Variants in DIAPH3 observed in about 807,000 individuals in gnomAD.
DIAPH3 encodes the protein diaphanous related formin 3.
In DIAPH3, 117 loss-of-function variants were observed where a neutral mutation model predicts 144.3. The observed-to-expected ratio is 0.81, with a 90% CI of 0.70 to 0.95. The LOEUF (loss-of-function observed/expected upper bound fraction) is 0.95. Ranked by LOEUF, DIAPH3 falls within the 40% of genes least tolerant of loss-of-function variation. DIAPH3 has a pLI of 0.00. For missense variants in DIAPH3, 1,421 were observed against 1,412.7 expected, an observed-to-expected ratio of 1.01 and a Z score of -0.09; for synonymous variants, 519 against 488.9, an observed-to-expected ratio of 1.06 and a Z score of -0.81.
At chr13:59,932,431 C>A (rs555022409) in intron 17 of DIAPH3, among the ~76,000 whole-genome samples, 1 of 151,956 alleles carries the variant, frequency 6.6e-6, no homozygotes, top group Admixed American at 6.6e-5. Flanking sequence ...GGAAAAATAA[C>A]GCTTAGGGTA....
At chr13:60,152,900 A>G (rs1951861571) in intron 1 of DIAPH3, among the ~76,000 whole-genome samples, 2 of 152,138 alleles carry the variant, frequency 1.3e-5, no homozygotes, top group South Asian at 4.1e-4. Flanking sequence ...GTTCAGGTAC[A>G]CATCTAATTT....
At chr13:60,063,203 T>C (rs560700616) in intron 4 of DIAPH3, among the ~76,000 whole-genome samples, 1 of 152,328 alleles carries the variant, frequency 6.6e-6, no homozygotes, top group South Asian at 2.1e-4. Flanking sequence ...GTAGTTTCCG[T>C]TTCAATAAAC....
chr13:59,991,374 C>G lies in DIAPH3; in HGVS notation c.1245-100G>C, dbSNP rs546979388. 2.4e-5 allele frequency: 20 copies of G among 825,362 alleles called. No individual in the cohort carries two copies. The South Asian group carries it at 2.8e-4, about 11-fold the overall frequency. 51.1% of individuals were successfully genotyped at this position (825,362 alleles called of 1,614,324 possible). A position where few individuals can be genotyped will look rare whatever the true frequency, so the allele number is the denominator to read the frequency against. On this transcript the variant is annotated intron_variant, in intron 11 of 27. Coordinates refer to ENST00000400324, the MANE Select transcript of DIAPH3 (RefSeq NM_001042517.2). ...CCTGTAAGGTTTTGGAACTGTAATA[C>G]AGGCATCTTATATATTCAACATAAA...
intron 4 of DIAPH3, among the ~76,000 whole-genome samples, chr13:60,043,366 A>C (rs1000071992): frequency 6.6e-6 from 1 of 152,192 alleles, no homozygotes; most frequent in Non-Finnish European, 1.5e-5. Flanking sequence ...AGACTCAAAG[A>C]AAGAACATCT....
chr13:59,728,647 CTT>C (rs1000395879), intron 27 of DIAPH3, among the ~76,000 whole-genome samples: 2 of 151,806 alleles, frequency 1.3e-5, no homozygotes, highest in Non-Finnish European at 2.9e-5. Context: ...AACAAGTTGA[CTT>C]ATATATAAAC....
At chr13:59,745,738 A>C (rs1228408249) in intron 27 of DIAPH3, among the ~76,000 whole-genome samples, 2 of 152,206 alleles carry the variant, frequency 1.3e-5, no homozygotes, top group African/African-American at 4.8e-5. Flanking sequence ...GCTCCAGTGA[A>C]CTGTCACTAG....
At chr13:60,003,768 G>C (rs1455787765) in intron 9 of DIAPH3, among the ~76,000 whole-genome samples, 1 of 151,700 alleles carries the variant, frequency 6.6e-6, no homozygotes, top group Non-Finnish European at 1.5e-5. Flanking sequence ...TTTTAGTAGA[G>C]ACGGGGTTTC....
intron 16 of DIAPH3, 55 bp downstream of exon 16, chr13:59,970,797 C>T (rs1004960214): frequency 4.0e-6 from 6 of 1,486,524 alleles, no homozygotes; most frequent in Non-Finnish European, 5.5e-6. Flanking sequence ...ATATATAAAT[C>T]CAAAATTAGA....
intron 3 of DIAPH3, among the ~76,000 whole-genome samples, chr13:60,102,625 C>T (rs2058303165): frequency 6.6e-6 from 1 of 152,132 alleles, no homozygotes; most frequent in Admixed American, 6.5e-5. Context: ...ATAACAGTTA[C>T]GGGAATAAGT....
chr13:59,714,314 C>T (rs1036672487), intron 27 of DIAPH3, among the ~76,000 whole-genome samples: 18 of 141,726 alleles, frequency 1.3e-4, no homozygotes, highest in African/African-American at 2.4e-4. Context: ...GAGCCGAGAT[C>T]CCGCCACTGC....
At chr13:60,089,439 T>C (rs1328760913) in intron 4 of DIAPH3, among the ~76,000 whole-genome samples, 2 of 152,140 alleles carry the variant, frequency 1.3e-5, no homozygotes, top group African/African-American at 4.8e-5. Flanking sequence ...ACATCTATAT[T>C]TATATAATAG....
chr13:59,941,683 C>T (rs1415192124), intron 17 of DIAPH3, among the ~76,000 whole-genome samples: 3 of 151,936 alleles, frequency 2.0e-5, no homozygotes, highest in African/African-American at 4.8e-5. Context: ...AAAGAGTCAG[C>T]GGACATATTT....
At chr13:59,726,906 A>C (rs1476207074) in intron 27 of DIAPH3, among the ~76,000 whole-genome samples, 1 of 152,190 alleles carries the variant, frequency 6.6e-6, no homozygotes, top group Non-Finnish European at 1.5e-5. Flanking sequence ...ATGGAGTAGA[A>C]ATTAGATGTT....
intron 24 of DIAPH3, among the ~76,000 whole-genome samples, chr13:59,812,411 A>G (rs2040534021): frequency 6.6e-6 from 1 of 152,190 alleles, no homozygotes; most frequent in Admixed American, 6.5e-5. Flanking sequence ...GAGAGAGGAA[A>G]GGAAGGCGGA....
At chr13:59,989,153 A>T (rs1343446706) in intron 12 of DIAPH3, among the ~76,000 whole-genome samples, 1 of 151,850 alleles carries the variant, frequency 6.6e-6, no homozygotes, top group Non-Finnish European at 1.5e-5. Flanking sequence ...GTTATCTAAG[A>T]TTGCTGAAAA....
At position 59,971,047 on chromosome 13, in the gene DIAPH3, C is replaced by T. The variant is rs372678608; in HGVS notation, c.1764G>A (p.Pro588=). ...PPPLPSGGGV[P]PPPPPPPPPP... is the part of the protein sequence containing the mutation. Reference sequence around the variant, plus strand: ...GAGGTGGTGGGGGAGGAGGTGGAGGCGGCACCCCTCCACCAGAAGGCAGTG... The same window carrying T: ...GAGGTGGTGGGGGAGGAGGTGGAGGTGGCACCCCTCCACCAGAAGGCAGTG... The change falls in exon 16 of 28, where the codon CCG becomes CCA. Residue 588 remains proline (P), a synonymous_variant. Transcript: ENST00000400324. 15 of 1,613,270 alleles carry T rather than the reference C, an allele frequency of 9.3e-6. No individual in the cohort carries two copies. In the East Asian group the frequency reaches 1.3e-4, roughly 14 times the overall value.
chr13:59,894,501 C>T (rs569927293), intron 20 of DIAPH3, among the ~76,000 whole-genome samples: 1 of 151,148 alleles, frequency 6.6e-6, no homozygotes, highest in South Asian at 2.1e-4. Context: ...GTAGCTAAGA[C>T]CACAGCAGAC....
intron 1 of DIAPH3, among the ~76,000 whole-genome samples, chr13:60,149,218 G>T (rs1951670315): frequency 6.6e-6 from 1 of 152,188 alleles, no homozygotes; most frequent in Non-Finnish European, 1.5e-5. Context: ...CAGCAGTAAA[G>T]AGATTAACCT....
At chr13:59,677,728 T>C (rs993105764) in intron 27 of DIAPH3, among the ~76,000 whole-genome samples, 3 of 152,186 alleles carry the variant, frequency 2.0e-5, no homozygotes, top group African/African-American at 4.8e-5. Flanking sequence ...TATGTATATA[T>C]TATAAACAAG....
Sources: allele counts gnomAD v4.1 joint callset (sites outside exome capture counted in the v4.1 genomes callset), GRCh38; gene constraint gnomAD v4.1.1; transcripts MANE v1.5; gene names NCBI Gene and HGNC (gene_info 2026-07-23, HGNC 2026-07-21).